AKAP19: variants seen among roughly 807,000 people sequenced by gnomAD.
AKAP19 encodes the protein small A-kinase anchoring protein.
the AKAP19 span, among the ~76,000 whole-genome samples, chr2:190,029,529 G>C: frequency 6.6e-6 from 1 of 152,142 alleles, no homozygotes; most frequent in African/African-American, 2.4e-5. Context: ...ACATTGTTGA[G>C]TGAAAAAACA....
At chr2:189,923,483 A>C in the AKAP19 span, 1 of 1,613,904 alleles carries the variant, frequency 6.2e-7, no homozygotes, top group Non-Finnish European at 8.5e-7. Flanking sequence ...CTCTGTTCAT[A>C]AGGGCTTTGC....
the AKAP19 span, among the ~76,000 whole-genome samples, chr2:190,071,539 G>C: frequency 6.6e-6 from 1 of 152,138 alleles, no homozygotes; most frequent in Non-Finnish European, 1.5e-5. Context: ...ATCTGGGTTT[G>C]TGTAAGTACA....
the AKAP19 span, chr2:190,060,366 T>C: frequency 1.3e-5 from 21 of 1,612,104 alleles, no homozygotes; most frequent in East Asian, 4.5e-4. Flanking sequence ...TACTTTATTG[T>C]ATTGTATTTT....
the AKAP19 span, among the ~76,000 whole-genome samples, chr2:190,089,252 A>G: frequency 1.3e-5 from 2 of 151,714 alleles, no homozygotes; most frequent in Non-Finnish European, 2.9e-5. Flanking sequence ...GATTCTTTTC[A>G]TTTATTTATT....
At chr2:190,038,462 C>G in the AKAP19 span, among the ~76,000 whole-genome samples, 1 of 152,150 alleles carries the variant, frequency 6.6e-6, no homozygotes, top group African/African-American at 2.4e-5. Flanking sequence ...AAGACTATGT[C>G]TAGCAGAGGA....
At chr2:190,098,829 G>C in the AKAP19 span, among the ~76,000 whole-genome samples, 1 of 152,204 alleles carries the variant, frequency 6.6e-6, no homozygotes, top group African/African-American at 2.4e-5. Flanking sequence ...CTAACTTACT[G>C]CAGCTTCCAT....
the AKAP19 span, among the ~76,000 whole-genome samples, chr2:189,983,194 AACCTTCGGT>A: frequency 6.6e-6 from 1 of 152,138 alleles, no homozygotes; most frequent in Non-Finnish European, 1.5e-5. Flanking sequence ...CAGGGCTCAC[AACCTTCGGT>A]ACATAAAGAT....
At chr2:189,957,966 G>T in the AKAP19 span, among the ~76,000 whole-genome samples, 1 of 152,034 alleles carries the variant, frequency 6.6e-6, no homozygotes, top group Non-Finnish European at 1.5e-5. Flanking sequence ...GCTAATTTTT[G>T]TATTTTCAGT....
At chr2:189,918,552 C>T in the AKAP19 span, among the ~76,000 whole-genome samples, 1 of 152,172 alleles carries the variant, frequency 6.6e-6, no homozygotes, top group African/African-American at 2.4e-5. Flanking sequence ...AACACTCATA[C>T]ATTACTGGTG....
chr2:189,954,332 T>C, the AKAP19 span, among the ~76,000 whole-genome samples: 1 of 152,234 alleles, frequency 6.6e-6, no homozygotes, highest in Non-Finnish European at 1.5e-5. Flanking sequence ...CTTAAATTTA[T>C]GGTAACTATA....
chr2:189,923,010 G>C, the AKAP19 span, among the ~76,000 whole-genome samples: 1 of 152,100 alleles, frequency 6.6e-6, no homozygotes, highest in Non-Finnish European at 1.5e-5. Flanking sequence ...AATTAGCCGG[G>C]TATGGCAGTG....
chr2:189,980,573 G>A, the AKAP19 span, among the ~76,000 whole-genome samples: 4 of 152,136 alleles, frequency 2.6e-5, no homozygotes. Context: ...GACCTCAAGT[G>A]AGCTGCCCGC....
At chr2:190,158,306 G>A in the AKAP19 span, among the ~76,000 whole-genome samples, 7 of 152,228 alleles carry the variant, frequency 4.6e-5, no homozygotes, top group African/African-American at 1.2e-4. Context: ...TTTTGTCTGC[G>A]GCTTGTCCTG....
the AKAP19 span, among the ~76,000 whole-genome samples, chr2:190,153,239 A>G: frequency 6.6e-6 from 1 of 152,342 alleles, no homozygotes; most frequent in South Asian, 2.1e-4. Context: ...TATGAAGACT[A>G]TTAATTTCTA....
chr2:190,119,899 T>G, the AKAP19 span, among the ~76,000 whole-genome samples: 15 of 152,104 alleles, frequency 9.9e-5, no homozygotes, highest in Non-Finnish European at 1.9e-4. Context: ...ATAGGAGAAA[T>G]AGTAGACTGA....
the AKAP19 span, among the ~76,000 whole-genome samples, chr2:190,054,335 T>C: frequency 6.6e-6 from 1 of 152,012 alleles, no homozygotes; most frequent in Non-Finnish European, 1.5e-5. Flanking sequence ...ATACAAAAAT[T>C]AATTCAAGAT....
chr2:190,157,335 T>C, the AKAP19 span, among the ~76,000 whole-genome samples: 1 of 147,404 alleles, frequency 6.8e-6, no homozygotes, highest in Non-Finnish European at 1.5e-5. Flanking sequence ...AAGATCACAG[T>C]ATTATAAAAC....
At chr2:190,078,241 G>A in the AKAP19 span, among the ~76,000 whole-genome samples, 4 of 152,128 alleles carry the variant, frequency 2.6e-5, no homozygotes, top group Non-Finnish European at 5.9e-5. Flanking sequence ...GGACAGTTCT[G>A]TGCATCACAT....
the AKAP19 span, among the ~76,000 whole-genome samples, chr2:189,964,589 A>G: frequency 2.6e-5 from 4 of 152,196 alleles, no homozygotes; most frequent in Non-Finnish European, 5.9e-5. Flanking sequence ...ACCTTCATCA[A>G]TGATCTTAGC....
Sources: allele counts gnomAD v4.1 joint callset (sites outside exome capture counted in the v4.1 genomes callset), GRCh38; gene constraint gnomAD v4.1.1; transcripts MANE v1.5; gene names NCBI Gene and HGNC (gene_info 2026-07-23, HGNC 2026-07-21).